LRGUK: variants seen among roughly 807,000 people sequenced by gnomAD.
LRGUK encodes the protein leucine-rich repeat and guanylate kinase domain-containing protein.
In LRGUK, 65 loss-of-function variants were observed where a neutral mutation model predicts 76.0. The ratio of observed to expected loss-of-function variants is 0.85; its 90% CI spans 0.70 to 1.05. LRGUK has a LOEUF of 1.05. Ranked by LOEUF, LRGUK falls within the 50% of genes least tolerant of loss-of-function variation. The probability of loss-of-function intolerance (pLI) is 0.00; values close to 1 mark genes in which losing one functional copy is unlikely to be tolerated. For missense variants in LRGUK, 758 were observed against 732.8 expected, an observed-to-expected ratio of 1.03 and a Z score of -0.40; for synonymous variants, 268 against 265.6, an observed-to-expected ratio of 1.01 and a Z score of -0.09.
intron 4 of LRGUK, among the ~76,000 whole-genome samples, chr7:134,145,635 G>C (rs947841004): frequency 7.9e-5 from 12 of 152,178 alleles, no homozygotes; most frequent in African/African-American, 2.9e-4. Context: ...TGAAAGGTTA[G>C]GTAACTAACT....
At chr7:134,257,302 G>A (rs886978974) in intron 18 of LRGUK, among the ~76,000 whole-genome samples, 2 of 152,202 alleles carry the variant, frequency 1.3e-5, no homozygotes, top group African/African-American at 2.4e-5. Flanking sequence ...CAAATATGGT[G>A]GGGATGAGGC....
intron 19 of LRGUK, among the ~76,000 whole-genome samples, chr7:134,260,496 G>T (rs1680839432): frequency 6.6e-6 from 1 of 152,226 alleles, no homozygotes; most frequent in Admixed American, 6.5e-5. Flanking sequence ...GCTCAGCGCT[G>T]CAGAGGACTA....
At chr7:134,163,459 T>A in exon 7 of LRGUK, 1 of 1,614,034 alleles carries the variant, frequency 6.2e-7, no homozygotes, top group Non-Finnish European at 8.5e-7. Flanking sequence ...AGAACCTGGA[T>A]CTGTCCCACA....
intron 18 of LRGUK, among the ~76,000 whole-genome samples, chr7:134,249,882 A>T (rs1031153525): frequency 2.6e-5 from 4 of 152,134 alleles, no homozygotes; most frequent in Admixed American, 2.6e-4. Context: ...TTACACAAAG[A>T]TCTGGCTGGT....
At chr7:134,248,969 T>C (rs1802377565) in exon 18 of LRGUK, 2 of 1,538,584 alleles carry the variant, frequency 1.3e-6, no homozygotes. Flanking sequence ...TACCAGCACC[T>C]CTCACCAGTG....
At chr7:134,221,748 T>C (rs1331750844) in intron 15 of LRGUK, 31 bp from the exon 16 acceptor site, 4 of 1,445,738 alleles carry the variant, frequency 2.8e-6, no homozygotes, top group African/African-American at 3.0e-5. Context: ...TTATGACTTT[T>C]ATTTTAAACT....
chr7:134,150,242 TCCAG>T (rs1336637509), intron 5 of LRGUK, among the ~76,000 whole-genome samples: 2 of 149,632 alleles, frequency 1.3e-5, no homozygotes, highest in Non-Finnish European at 3.0e-5. Context: ...GCCACTGCAC[TCCAG>T]CCTGGGCTAC....
intron 18 of LRGUK, among the ~76,000 whole-genome samples, chr7:134,253,544 G>A (rs547280155): frequency 3.9e-5 from 6 of 152,326 alleles, no homozygotes; most frequent in South Asian, 4.1e-4. Context: ...CCTGGGCGGC[G>A]TGGCTCATGC....
In LRGUK at chr7:134,258,400, G is replaced by A. The variant is rs962001273; in HGVS notation, c.2342G>A (p.Arg781Gln). 49 of 1,613,486 alleles carry A rather than the reference G, an allele frequency of 3.0e-5. No individual in the cohort carries two copies. Among genetic ancestry groups the A allele is most frequent in the Admixed American group, 1.5e-4 (9 of 59,954 alleles). Residue 781 changes from arginine (R) to glutamine (Q), a missense_variant, in exon 19 of 20, where the codon CGG (arginine) becomes CAG (glutamine). Coordinates refer to the LRGUK transcript ENST00000285928. ...AGTGACAGTGAGACCGAAGAGACCC[G>A]GAAAGGTATGAGTTAGGCCAAGCGC...
chr7:134,251,105 C>G (rs187388481), intron 18 of LRGUK, among the ~76,000 whole-genome samples: 1 of 152,158 alleles, frequency 6.6e-6, no homozygotes, highest in African/African-American at 2.4e-5. Flanking sequence ...AGCTGTCCCC[C>G]ATTCCCCCAA....
intron 18 of LRGUK, among the ~76,000 whole-genome samples, chr7:134,253,849 A>G (rs938892496): frequency 6.6e-6 from 1 of 152,224 alleles, no homozygotes; most frequent in Admixed American, 6.5e-5. Flanking sequence ...TAGAGACAGC[A>G]CGTTGATTAA....
chr7:134,202,343 G>A (rs892393436), intron 15 of LRGUK, among the ~76,000 whole-genome samples: 1 of 152,104 alleles, frequency 6.6e-6, no homozygotes, highest in Non-Finnish European at 1.5e-5. Context: ...AAATTAACAG[G>A]TGTTGGCAAG....
intron 7 of LRGUK, among the ~76,000 whole-genome samples, chr7:134,164,911 A>G (rs1057083237): frequency 6.6e-6 from 1 of 152,180 alleles, no homozygotes; most frequent in African/African-American, 2.4e-5. Flanking sequence ...TCTCCAGTTA[A>G]TTCTGGTGGA....
chr7:134,156,824 A>C (rs138310079), intron 5 of LRGUK, among the ~76,000 whole-genome samples: 2 of 152,180 alleles, frequency 1.3e-5, no homozygotes, highest in African/African-American at 4.8e-5. Flanking sequence ...GTTAAAGGTG[A>C]GTTAAGTTGG....
chr7:134,260,009 G>A (rs888991988), intron 19 of LRGUK, among the ~76,000 whole-genome samples: 1 of 152,064 alleles, frequency 6.6e-6, no homozygotes, highest in Non-Finnish European at 1.5e-5. Context: ...AGCAAAGTGG[G>A]GCTGTTATCA....
chr7:134,202,127 T>C (rs1800797779), intron 15 of LRGUK, among the ~76,000 whole-genome samples: 1 of 152,126 alleles, frequency 6.6e-6, no homozygotes, highest in South Asian at 2.1e-4. Flanking sequence ...ATGCTCCTTA[T>C]CTAATGCTCC....
chr7:134,213,108 C>T (rs749630033), downstream of LRGUK, among the ~76,000 whole-genome samples: 76 of 152,212 alleles, frequency 5.0e-4, no homozygotes, highest in Admixed American at 2.3e-3. Context: ...CAGAGGCACG[C>T]GCAGGCATAG....
Position 134,178,934 on chromosome 7 carries a change from A to AAAAAAAAAAAAAAAAAAAACC in LRGUK, c.1214+339_1214+340insAAAAACCAAAAAAAAAAAAAA, listed in dbSNP as rs376955591. Among the ~76,000 whole-genome samples, 37 of 78,156 alleles carry AAAAAAAAAAAAAAAAAAAACC rather than the reference A, an allele frequency of 4.7e-4. 1 individual carries two copies. Among genetic ancestry groups the AAAAAAAAAAAAAAAAAAAACC allele is most frequent in the African/African-American group, 1.6e-3 (30 of 18,736 alleles). 51.3% of individuals were successfully genotyped at this position (78,156 alleles called of 152,430 possible). ...ACACAACAGTGAAATCTCAAAAAAA[A>AAAAAAAAAAAAAAAAAAAACC]AAAAAAAAAAAAAACCAGGACCAAT... On this transcript the variant is annotated intron_variant, in intron 10 of 15. Coordinates refer to ENST00000645682, the Ensembl canonical transcript of LRGUK.
At chr7:134,276,112 C>T in the LRGUK span, among the ~76,000 whole-genome samples, 2 of 152,214 alleles carry the variant, frequency 1.3e-5, no homozygotes, top group African/African-American at 4.8e-5. Flanking sequence ...TCCCAGTTCT[C>T]CCAAAGAGGG....
Sources: gnomAD v4.1 joint callset for allele counts (sites outside exome capture counted in the v4.1 genomes callset) on GRCh38, gnomAD v4.1.1 for gene constraint, MANE v1.5 for transcripts, NCBI Gene and HGNC (gene_info 2026-07-23, HGNC 2026-07-21) for gene names.